The following CTNNA3 variants were observed in gnomAD, a reference collection of about 807,000 sequenced individuals.
CTNNA3 encodes catenin alpha-3.
In CTNNA3, 76 loss-of-function variants were observed where a neutral mutation model predicts 95.7. The ratio of observed to expected loss-of-function variants is 0.79; its 90% CI spans 0.66 to 0.96. The LOEUF (loss-of-function observed/expected upper bound fraction) is 0.96. Among genes scored for constraint, CTNNA3 ranks in the 40% least tolerant of loss-of-function variants. The probability of loss-of-function intolerance (pLI) is 0.00; values close to 1 mark genes in which losing one functional copy is unlikely to be tolerated. For synonymous variants in CTNNA3, 431 were observed against 374.4 expected (o/e 1.15, Z -1.74); for missense variants, 1,191 against 1,089.8 (o/e 1.09, Z -1.31).
chr10:66,477,057 C>G (rs1839352703), intron 11 of CTNNA3, among the ~76,000 whole-genome samples: 1 of 151,992 alleles, frequency 6.6e-6, no homozygotes, highest in South Asian at 2.1e-4. Flanking sequence ...TTGCAGATAA[C>G]TTTTTGTTGA....
At chr10:67,033,443 T>C (rs1715086765) in intron 7 of CTNNA3, among the ~76,000 whole-genome samples, 1 of 152,190 alleles carries the variant, frequency 6.6e-6, no homozygotes, top group Non-Finnish European at 1.5e-5. Flanking sequence ...ATTATCTATG[T>C]ATCAATACTT....
intron 7 of CTNNA3, among the ~76,000 whole-genome samples, chr10:67,094,299 C>A (rs996522351): frequency 2.0e-4 from 31 of 151,658 alleles, no homozygotes. Flanking sequence ...GATATTCTAA[C>A]GAAATAAGTA....
intron 2 of CTNNA3, among the ~76,000 whole-genome samples, chr10:67,646,930 T>C (rs1317618593): frequency 1.3e-5 from 2 of 152,096 alleles, no homozygotes; most frequent in Non-Finnish European, 2.9e-5. Context: ...CATCACAGAA[T>C]TCCTTTAAAT....
intron 11 of CTNNA3, among the ~76,000 whole-genome samples, chr10:66,430,630 CT>C (rs2093286087): frequency 6.6e-6 from 1 of 152,072 alleles, no homozygotes; most frequent in African/African-American, 2.4e-5. Context: ...TTTGACAAAC[CT>C]GACAAAAACA....
chr10:66,980,958 G>A (rs1370865532), intron 7 of CTNNA3, among the ~76,000 whole-genome samples: 1 of 152,090 alleles, frequency 6.6e-6, no homozygotes, highest in Non-Finnish European at 1.5e-5. Flanking sequence ...CCAGGCTGGA[G>A]TGCGATGGTG....
intron 7 of CTNNA3, among the ~76,000 whole-genome samples, chr10:67,053,420 A>T (rs1855234017): frequency 6.6e-6 from 1 of 152,134 alleles, no homozygotes; most frequent in African/African-American, 2.4e-5. Context: ...CTTGAAGAAC[A>T]TTTTTATAAT....
intron 13 of CTNNA3, among the ~76,000 whole-genome samples, chr10:66,121,421 C>T (rs1301460699): frequency 6.6e-6 from 1 of 152,120 alleles, no homozygotes; most frequent in Non-Finnish European, 1.5e-5. Flanking sequence ...TTTAAAATTG[C>T]ACCACCTCAG....
intron 9 of CTNNA3, among the ~76,000 whole-genome samples, chr10:66,693,875 A>G (rs1044214832): frequency 9.9e-5 from 15 of 152,102 alleles, no homozygotes; most frequent in Admixed American, 2.6e-4. Context: ...GGTACATAAC[A>G]AAATGAAGAC....
chr10:67,061,910 T>C (rs1855777440), intron 7 of CTNNA3, among the ~76,000 whole-genome samples: 1 of 151,894 alleles, frequency 6.6e-6, no homozygotes, highest in Admixed American at 6.6e-5. Flanking sequence ...ATAGAATTGG[T>C]GCAAAGTATT....
At position 66,854,197 on chromosome 10, in the gene CTNNA3, A is replaced by G. The variant is rs559999511; in HGVS notation, c.1048-78673T>C. Among the ~76,000 whole-genome samples the G allele has an allele frequency of 1.2e-4, 18 of 152,178 alleles. No homozygotes were observed. In the East Asian group the frequency reaches 3.3e-3, roughly 28 times the overall value. Reference sequence around the variant, plus strand: ...TAGGGATCAAATTATTTCACACAAAATTGAGATATTTCCAAAAATAGGCAT... The same window carrying G: ...TAGGGATCAAATTATTTCACACAAAGTTGAGATATTTCCAAAAATAGGCAT... On this transcript the variant is annotated intron_variant, in intron 7 of 17. Transcript: ENST00000433211.
intron 1 of CTNNA3, among the ~76,000 whole-genome samples, chr10:67,736,977 TG>T (rs1435082381): frequency 6.6e-6 from 1 of 151,810 alleles, no homozygotes; most frequent in Non-Finnish European, 1.5e-5. Context: ...AATTTTTTTT[TG>T]GGGGGGACAG....
chr10:67,257,118 C>T (rs1866383712), intron 5 of CTNNA3, among the ~76,000 whole-genome samples: 1 of 152,088 alleles, frequency 6.6e-6, no homozygotes, highest in Non-Finnish European at 1.5e-5. Flanking sequence ...AACTATAAAA[C>T]AATATCAAAC....
intron 13 of CTNNA3, among the ~76,000 whole-genome samples, chr10:66,246,589 T>A (rs1220383715): frequency 6.6e-6 from 1 of 151,910 alleles, no homozygotes; most frequent in African/African-American, 2.4e-5. Flanking sequence ...TTTGAGAAAG[T>A]TCAATGAATT....
At chr10:66,672,855 T>C (rs886559777) in intron 9 of CTNNA3, among the ~76,000 whole-genome samples, 1 of 152,090 alleles carries the variant, frequency 6.6e-6, no homozygotes, top group Non-Finnish European at 1.5e-5. Context: ...TCCAAAAAGC[T>C]CTTAAGATTG....
At chr10:66,902,506 C>T (rs928573657) in intron 7 of CTNNA3, among the ~76,000 whole-genome samples, 1 of 152,026 alleles carries the variant, frequency 6.6e-6, no homozygotes, top group Non-Finnish European at 1.5e-5. Flanking sequence ...CAAAAGCTAG[C>T]AGAAGGCTAA....
At chr10:66,442,590 G>T (rs978847879) in intron 11 of CTNNA3, among the ~76,000 whole-genome samples, 1 of 152,150 alleles carries the variant, frequency 6.6e-6, no homozygotes, top group African/African-American at 2.4e-5. Context: ...AAAGAAAGTT[G>T]CATTGATGAA....
chr10:66,167,501 G>A (rs565627303), intron 13 of CTNNA3, among the ~76,000 whole-genome samples: 1 of 152,074 alleles, frequency 6.6e-6, no homozygotes, highest in Non-Finnish European at 1.5e-5. Context: ...TTCCTACTTA[G>A]AAGTAGGATC....
chr10:66,426,629 C>A (rs1009861751), intron 11 of CTNNA3, among the ~76,000 whole-genome samples: 4 of 151,730 alleles, frequency 2.6e-5, no homozygotes, highest in Non-Finnish European at 5.9e-5. Context: ...CCTATGCAAG[C>A]AATCTGTTTT....
At chr10:66,083,182 A>C (rs537199010) in intron 14 of CTNNA3, among the ~76,000 whole-genome samples, 2 of 152,328 alleles carry the variant, frequency 1.3e-5, no homozygotes, top group Middle Eastern at 6.8e-3. Flanking sequence ...GAGATGCTAT[A>C]AAAACTCACC....
Sources: gnomAD v4.1 joint callset for allele counts (sites outside exome capture counted in the v4.1 genomes callset) on GRCh38, gnomAD v4.1.1 for gene constraint, MANE v1.5 for transcripts, NCBI Gene and HGNC (gene_info 2026-07-23, HGNC 2026-07-21) for gene names.